Variants in CDH12 observed in about 807,000 individuals in gnomAD.
The protein encoded by CDH12 is cadherin-12.
CDH12 carries 41 observed loss-of-function variants against 74.1 expected under a neutral mutation model. That is an observed-to-expected ratio of 0.55 (90% CI 0.43 to 0.72). CDH12 has a LOEUF of 0.72. CDH12 is among the 30% of genes least tolerant of loss of function. The pLI, the probability that CDH12 is intolerant of heterozygous loss-of-function variation, is 0.00. For missense variants in CDH12, 945 were observed against 977.2 expected (o/e 0.97, Z 0.44); for synonymous variants, 399 against 355.0 (o/e 1.12, Z -1.39).
chr5:21,842,743 T>C (rs1280390069), intron 7 of CDH12, among the ~76,000 whole-genome samples: 1 of 152,216 alleles, frequency 6.6e-6, no homozygotes, highest in African/African-American at 2.4e-5. Flanking sequence ...ATTACTACTT[T>C]CTTCTTTGTT....
intron 1 of CDH12, among the ~76,000 whole-genome samples, chr5:22,746,082 A>G (rs981549098): frequency 2.6e-5 from 4 of 151,894 alleles, no homozygotes; most frequent in African/African-American, 7.3e-5. Flanking sequence ...TCATCTGTCA[A>G]TTGAAAAAAA....
At chr5:22,336,874 C>A (rs988497783) in intron 3 of CDH12, among the ~76,000 whole-genome samples, 3 of 152,144 alleles carry the variant, frequency 2.0e-5, no homozygotes, top group African/African-American at 7.2e-5. Context: ...ACCCTCAAAC[C>A]CCATAATGGT....
intron 6 of CDH12, among the ~76,000 whole-genome samples, chr5:21,905,429 A>G (rs951223445): frequency 1.3e-5 from 2 of 152,370 alleles, no homozygotes; most frequent in South Asian, 2.1e-4. Flanking sequence ...TGAGTAAAAC[A>G]GGCAAAAATG....
At chr5:21,887,529 C>T (rs1752693037) in intron 6 of CDH12, among the ~76,000 whole-genome samples, 1 of 152,122 alleles carries the variant, frequency 6.6e-6, no homozygotes, top group Non-Finnish European at 1.5e-5. Context: ...GTGTCCCATT[C>T]TTCCTCTGGA....
rs34550762 is a variant in CDH12, at chr5:22,498,901, CTTTTTTTT to C, written c.-428+6361_-428+6368del. Among the ~76,000 whole-genome samples, 14 of 73,414 alleles carry C rather than the reference CTTTTTTTT, an allele frequency of 1.9e-4. 1 individual carries two copies. Among genetic ancestry groups the C allele is most frequent in the Admixed American group, 7.2e-4 (4 of 5,528 alleles). The allele number at this position is 73,414 out of a possible 152,430, so 48.2% of individuals were successfully genotyped here. A position where few individuals can be genotyped will look rare whatever the true frequency, so the allele number is the denominator to read the frequency against. On this transcript the variant is annotated intron_variant, in intron 2 of 14. Coordinates refer to ENST00000382254, the MANE Select transcript of CDH12 (RefSeq NM_004061.5). ...TGCTCTTCTTTTTCTTTTTCTGTTTCTTTTTTTTTTTTTTTTTTTTGTGACGTAGTCTT... is the reference window on the plus strand; with the variant it reads ...TGCTCTTCTTTTTCTTTTTCTGTTTCTTTTTTTTTTTTGTGACGTAGTCTT...
intron 1 of CDH12, among the ~76,000 whole-genome samples, chr5:22,627,997 C>A (rs1165402461): frequency 6.6e-6 from 1 of 151,496 alleles, no homozygotes. Context: ...AAAGAAAAAA[C>A]ACAAAGAAGG....
At chr5:22,420,702 A>T (rs571748937) in intron 2 of CDH12, among the ~76,000 whole-genome samples, 3 of 152,182 alleles carry the variant, frequency 2.0e-5, no homozygotes, top group Admixed American at 6.5e-5. Context: ...TATTAATTTT[A>T]AAGTAGTTTT....
intron 2 of CDH12, among the ~76,000 whole-genome samples, chr5:22,478,433 A>AG (rs1336898010): frequency 9.9e-5 from 15 of 151,342 alleles, no homozygotes; most frequent in African/African-American, 2.9e-4. Context: ...AAAAAAAAAA[A>AG]AAAAGAAAGA....
chr5:22,640,276 A>G (rs1259879221), intron 1 of CDH12, among the ~76,000 whole-genome samples: 2 of 152,222 alleles, frequency 1.3e-5, no homozygotes, highest in African/African-American at 2.4e-5. Flanking sequence ...GTGAGAACCA[A>G]TGTGATAGTA....
chr5:22,409,125 T>C (rs1307150972), intron 2 of CDH12, among the ~76,000 whole-genome samples: 3 of 152,088 alleles, frequency 2.0e-5, no homozygotes, highest in Non-Finnish European at 4.4e-5. Context: ...AATAAGATAG[T>C]AAAAGTCTCA....
intron 2 of CDH12, among the ~76,000 whole-genome samples, chr5:22,499,805 C>A (rs893482507): frequency 2.0e-5 from 3 of 152,052 alleles, no homozygotes; most frequent in African/African-American, 2.4e-5. Context: ...CAGATGAAAT[C>A]ATTTAAAAAT....
intron 6 of CDH12, among the ~76,000 whole-genome samples, chr5:21,967,778 G>T (rs879661144): frequency 6.6e-6 from 1 of 152,122 alleles, no homozygotes; most frequent in African/African-American, 2.4e-5. Flanking sequence ...CGAATAAAAT[G>T]CTCCCTGCCC....
intron 6 of CDH12, among the ~76,000 whole-genome samples, chr5:21,886,621 T>C (rs1049388538): frequency 2.0e-4 from 30 of 149,080 alleles, no homozygotes; most frequent in Non-Finnish European, 3.7e-4. Flanking sequence ...TGAGGTTTTG[T>C]TCTATTTCTT....
At chr5:22,547,343 A>G (rs1298781602) in intron 1 of CDH12, among the ~76,000 whole-genome samples, 2 of 152,162 alleles carry the variant, frequency 1.3e-5, no homozygotes, top group Middle Eastern at 3.2e-3. Flanking sequence ...CTCTCTCAAA[A>G]AGCCAGTAAC....
chr5:22,486,809 T>C (rs1746621497), intron 2 of CDH12, among the ~76,000 whole-genome samples: 1 of 151,850 alleles, frequency 6.6e-6, no homozygotes, highest in African/African-American at 2.4e-5. Context: ...AAGGCCTACT[T>C]AAAACCAGAC....
chr5:22,254,754 T>G (rs548083933), intron 3 of CDH12, among the ~76,000 whole-genome samples: 1 of 151,998 alleles, frequency 6.6e-6, no homozygotes, highest in African/African-American at 2.4e-5. Flanking sequence ...TTTAAATGTT[T>G]GTGGGTACAT....
chr5:22,234,902 T>G (rs1204562245), intron 3 of CDH12, among the ~76,000 whole-genome samples: 10 of 150,572 alleles, frequency 6.6e-5, no homozygotes, highest in Admixed American at 5.3e-4. Flanking sequence ...CAGATGGACT[T>G]TTTTTTTTAC....
intron 1 of CDH12, among the ~76,000 whole-genome samples, chr5:22,692,061 T>G (rs1300996865): frequency 6.6e-6 from 1 of 152,150 alleles, no homozygotes; most frequent in Non-Finnish European, 1.5e-5. Flanking sequence ...TGTGAGGTGT[T>G]TGGGTCATGG....
chr5:21,946,523 TCACTC>T lies in CDH12; in HGVS notation c.526+28563_526+28567del, dbSNP rs539050076. Among the ~76,000 whole-genome samples, 1,039 of 152,270 alleles carry T rather than the reference TCACTC, an allele frequency of 6.8e-3. 5 individuals are homozygous for T. The highest frequency in any genetic ancestry group is 9.9e-3 in the Non-Finnish European group (671 of 68,006). ...CATATGGAAACAAGTTTTCTACACT[TCACTC>T]AAAGAGGTAAAACATCAGTAACAGT... is the stretch of plus-strand genomic sequence containing the variant. On this transcript the variant is annotated intron_variant, in intron 6 of 14. Coordinates refer to ENST00000382254, the MANE Select transcript of CDH12 (RefSeq NM_004061.5).
Sources: allele counts gnomAD v4.1 joint callset (sites outside exome capture counted in the v4.1 genomes callset), GRCh38; gene constraint gnomAD v4.1.1; transcripts MANE v1.5; gene names NCBI Gene and HGNC (gene_info 2026-07-23, HGNC 2026-07-21).